FGF14: variants seen among roughly 807,000 people sequenced by gnomAD.
The protein encoded by FGF14 is fibroblast growth factor 14.
FGF14 carries 5 observed loss-of-function variants against 25.5 expected under a neutral mutation model. The ratio of observed to expected loss-of-function variants is 0.20; its 90% confidence interval spans 0.10 to 0.41. The LOEUF is 0.41. Ranked by LOEUF, FGF14 falls within the 10% of genes least tolerant of loss-of-function variation. FGF14 has a pLI of 1.00. For synonymous variants in FGF14, 138 were observed against 118.3 expected (o/e 1.17, Z -1.08); for missense variants, 222 against 320.1 (o/e 0.69, Z 2.34).
At chr13:101,967,308 T>C (rs533666876) in intron 1 of FGF14, among the ~76,000 whole-genome samples, 1 of 152,254 alleles carries the variant, frequency 6.6e-6, no homozygotes, top group Non-Finnish European at 1.5e-5. Flanking sequence ...CTCAGATAGA[T>C]AATCCTTGTA....
At position 101,715,356 on chromosome 13, in the gene FGF14, G is replaced by A; in HGVS notation, c.*7475C>T. 1.8e-6 allele frequency: 1 copy of A among 553,780 alleles called. No homozygotes were observed. The highest frequency in any genetic ancestry group is 3.2e-6 in the Non-Finnish European group (1 of 308,584). The allele number at this position is 553,780 out of a possible 1,614,324, so 34.3% of individuals were successfully genotyped here. A position where few individuals can be genotyped will look rare whatever the true frequency, so the allele number is the denominator to read the frequency against. ...GTGACTATCTGATCGGTAAAGGGTG[G>A]CACCAAATAAATGCCACTAATTGTT... On this transcript the variant is annotated 3_prime_UTR_variant, in exon 5 of 5. Coordinates refer to ENST00000376143, the MANE Select transcript of FGF14 (RefSeq NM_004115.4).
intron 1 of FGF14, among the ~76,000 whole-genome samples, chr13:102,382,102 A>T (rs1442529535): frequency 6.6e-6 from 1 of 152,168 alleles, no homozygotes; most frequent in Admixed American, 6.6e-5. Context: ...TATGATACCA[A>T]CTATGTAAGT....
At chr13:102,373,526 G>T (rs2057948710) in intron 1 of FGF14, 1 of 152,114 alleles carries the variant, frequency 6.6e-6, no homozygotes. Context: ...ATTTGAAAAT[G>T]ATTGAAGTGA....
chr13:101,884,512 T>C (rs2045890400), intron 1 of FGF14, among the ~76,000 whole-genome samples: 1 of 152,118 alleles, frequency 6.6e-6, no homozygotes, highest in Non-Finnish European at 1.5e-5. Context: ...TGGTCACTGC[T>C]AGATTCCAGG....
At chr13:101,733,470 C>T (rs935232225) in intron 3 of FGF14, among the ~76,000 whole-genome samples, 2 of 151,934 alleles carry the variant, frequency 1.3e-5, no homozygotes, top group Non-Finnish European at 2.9e-5. Context: ...TGGCACATGC[C>T]TGTAGTCCCA....
intron 1 of FGF14, among the ~76,000 whole-genome samples, chr13:102,195,401 A>C (rs1339762888): frequency 1.3e-5 from 2 of 152,172 alleles, no homozygotes; most frequent in Non-Finnish European, 2.9e-5. Context: ...TATACCACTG[A>C]CATTAAATTG....
chr13:102,267,050 C>T (rs923345523), intron 1 of FGF14, among the ~76,000 whole-genome samples: 1 of 152,144 alleles, frequency 6.6e-6, no homozygotes, highest in Non-Finnish European at 1.5e-5. Flanking sequence ...AGGAATCACA[C>T]TGTATTTACA....
rs945422611 is a variant in FGF14, at chr13:101,916,846, C to T, written c.-201G>A. 4.6e-5 allele frequency among the ~76,000 whole-genome samples: 7 copies of T among 152,140 alleles called. No individual in the cohort carries two copies. Among genetic ancestry groups the T allele is most frequent in the East Asian group, 1.9e-4 (1 of 5,162 alleles). ...TCTCCGCGGGGCGCGGGGCCAGGCG[C>T]GCAGATGCGCCCAGGGCGCAGCCGG... On this transcript the variant is annotated 5_prime_UTR_variant, in exon 1 of 5. Transcript: ENST00000376143.
At chr13:101,909,225 G>C (rs2032618354) in intron 1 of FGF14, among the ~76,000 whole-genome samples, 4 of 152,286 alleles carry the variant, frequency 2.6e-5, no homozygotes, top group South Asian at 4.1e-4. Flanking sequence ...GGCAACAAAA[G>C]CCAAAATTGA....
intron 1 of FGF14, among the ~76,000 whole-genome samples, chr13:102,126,125 T>C (rs2045938603): frequency 6.6e-6 from 1 of 152,136 alleles, no homozygotes; most frequent in Non-Finnish European, 1.5e-5. Context: ...GCATTAATTA[T>C]ATTCAGAACA....
intron 1 of FGF14, among the ~76,000 whole-genome samples, chr13:102,157,255 C>T (rs910449460): frequency 2.6e-5 from 4 of 152,202 alleles, no homozygotes; most frequent in African/African-American, 9.7e-5. Flanking sequence ...TGACTTCAAA[C>T]TATACTACAA....
intron 3 of FGF14, among the ~76,000 whole-genome samples, chr13:101,736,076 A>G (rs1435046990): frequency 6.6e-6 from 1 of 152,216 alleles, no homozygotes; most frequent in Non-Finnish European, 1.5e-5. Context: ...GAGATTAGTG[A>G]TAGCTCAAAG....
chr13:101,871,887 CA>C (rs1283498531), intron 2 of FGF14, among the ~76,000 whole-genome samples: 2 of 151,950 alleles, frequency 1.3e-5, no homozygotes, highest in Non-Finnish European at 2.9e-5. Context: ...ACCATTTACC[CA>C]TCATCCACAA....
At chr13:101,968,988 G>T (rs543795124) in intron 1 of FGF14, among the ~76,000 whole-genome samples, 2 of 152,018 alleles carry the variant, frequency 1.3e-5, no homozygotes, top group African/African-American at 4.8e-5. Context: ...CCTTGGTATG[G>T]ACAGAAGAGA....
rs1343779008 is a variant in FGF14 at position 101,721,339 on chromosome 13, T to G, written c.*1492A>C. ...TTCTTGGTAGTTGTCTTCCCTAAGC[T>G]CAAACAAACAGTGTTAAACTAAAAA... is the stretch of plus-strand genomic sequence containing the variant. On this transcript the variant is annotated 3_prime_UTR_variant, in exon 5 of 5. Transcript: ENST00000376143. The G allele has an allele frequency of 6.6e-6, 1 of 151,898 alleles. No individual in the cohort carries two copies. Among genetic ancestry groups the G allele is most frequent in the African/African-American group, 2.4e-5 (1 of 41,342 alleles). The allele number at this position is 151,898 out of a possible 1,614,324, so 9.4% of individuals were successfully genotyped here. A position where few individuals can be genotyped will look rare whatever the true frequency, so the allele number is the denominator to read the frequency against.
intron 1 of FGF14, among the ~76,000 whole-genome samples, chr13:102,075,743 T>C (rs1384550455): frequency 6.6e-6 from 1 of 152,206 alleles, no homozygotes; most frequent in Non-Finnish European, 1.5e-5. Flanking sequence ...TCATAGGAGA[T>C]GACAGTTCCA....
intron 3 of FGF14, among the ~76,000 whole-genome samples, chr13:101,766,818 G>A (rs1027409936): frequency 6.6e-6 from 1 of 152,156 alleles, no homozygotes; most frequent in African/African-American, 2.4e-5. Flanking sequence ...TGTGAAGGCA[G>A]AGGTAGAGAT....
At chr13:102,140,043 A>AACCCCC (rs1555365006) in intron 1 of FGF14, among the ~76,000 whole-genome samples, 2 of 82,454 alleles carry the variant, frequency 2.4e-5, no homozygotes, top group African/African-American at 5.0e-5. Context: ...ACTCTTCAAG[A>AACCCCC]CCCCCCCCCC....
At chr13:102,378,525 G>C (rs1487081320) in intron 1 of FGF14, among the ~76,000 whole-genome samples, 1 of 151,688 alleles carries the variant, frequency 6.6e-6, no homozygotes, top group East Asian at 1.9e-4. Flanking sequence ...TTTCTGACAA[G>C]GAAATGGACA....
Sources: allele counts gnomAD v4.1 joint callset (sites outside exome capture counted in the v4.1 genomes callset), GRCh38; gene constraint gnomAD v4.1.1; transcripts MANE v1.5; gene names NCBI Gene and HGNC (gene_info 2026-07-23, HGNC 2026-07-21).